The following ADAMTSL3 variants were observed in gnomAD, a reference collection of about 807,000 sequenced individuals.
ADAMTSL3 encodes ADAMTS-like protein 3.
ADAMTSL3 carries 128 observed loss-of-function variants against 201.7 expected under a neutral mutation model. The ratio of observed to expected loss-of-function variants is 0.63; its 90% CI spans 0.55 to 0.73. ADAMTSL3 has a LOEUF of 0.73. ADAMTSL3 is among the 30% of genes least tolerant of loss of function. The pLI, the probability that ADAMTSL3 is intolerant of heterozygous loss-of-function variation, is 0.00. For missense variants in ADAMTSL3, 1,990 were observed against 2,119.6 expected (o/e 0.94, Z 1.20); for synonymous variants, 738 against 748.4 (o/e 0.99, Z 0.23).
In ADAMTSL3 at chr15:83,747,483, TCCA is replaced by T. The variant is rs199587972; in HGVS notation, c.190-26038_190-26036del. Among the ~76,000 whole-genome samples, 552 of 152,194 alleles carry T rather than the reference TCCA, an allele frequency of 3.6e-3. 2 individuals carry two copies. The highest frequency in any genetic ancestry group is 0.013 in the African/African-American group (521 of 41,534). ...CCTCTCAGGTACCCATCCAGATCTG[TCCA>T]CAAGTGTGAGAGAAGGCTTGGACGC... On this transcript the variant is annotated intron_variant, in intron 3 of 29. Transcript: ENST00000286744.
At chr15:83,854,236 T>G (rs537848874) in intron 7 of ADAMTSL3, among the ~76,000 whole-genome samples, 3 of 152,134 alleles carry the variant, frequency 2.0e-5, no homozygotes, top group Non-Finnish European at 4.4e-5. Context: ...TTTTTTTTAG[T>G]GCACTTATTT....
chr15:83,930,533 C>T (rs569960965), intron 17 of ADAMTSL3, among the ~76,000 whole-genome samples: 37 of 152,284 alleles, frequency 2.4e-4, no homozygotes, highest in Admixed American at 1.2e-3. Context: ...TACTGTATCC[C>T]CTTTCTCTCA....
At chr15:83,956,233 T>C (rs1027126666) in intron 19 of ADAMTSL3, among the ~76,000 whole-genome samples, 2 of 152,094 alleles carry the variant, frequency 1.3e-5, no homozygotes, top group African/African-American at 4.8e-5. Context: ...GTTGCTGTGC[T>C]CTCCCTCCCT....
intron 4 of ADAMTSL3, among the ~76,000 whole-genome samples, chr15:83,778,948 A>G (rs1027199298): frequency 2.6e-5 from 4 of 152,224 alleles, no homozygotes; most frequent in Non-Finnish European, 4.4e-5. Flanking sequence ...GGAAAACAGA[A>G]AAAAAGCAGA....
chr15:83,780,406 A>AT (rs775480202), intron 4 of ADAMTSL3, among the ~76,000 whole-genome samples: 23 of 138,260 alleles, frequency 1.7e-4, no homozygotes, highest in Non-Finnish European at 3.3e-4. Context: ...GTGAAACTCC[A>AT]TTAAAAAAAA....
At chr15:83,765,257 TA>T (rs752408318) in intron 3 of ADAMTSL3, among the ~76,000 whole-genome samples, 2 of 152,226 alleles carry the variant, frequency 1.3e-5, no homozygotes, top group Admixed American at 6.5e-5. Context: ...TTTCTTTTGT[TA>T]AAGACCTTAA....
At chr15:83,721,128 A>G (rs1022987769) in intron 3 of ADAMTSL3, among the ~76,000 whole-genome samples, 1 of 152,186 alleles carries the variant, frequency 6.6e-6, no homozygotes, top group African/African-American at 2.4e-5. Flanking sequence ...ATTTTTTGTT[A>G]TATTTTATTT....
At position 83,989,703 on chromosome 15, in the gene ADAMTSL3, C is replaced by T. The variant is rs184682812; in HGVS notation, c.3844+885C>T. ...GTACTGCCATTGTCCAGCTCAGGCA[C>T]AAAGTATGCTTCCTGAGTGAGTGAA... On this transcript the variant is annotated intron_variant, in intron 22 of 29. Transcript: ENST00000286744. Among the ~76,000 whole-genome samples the T allele has an allele frequency of 5.9e-5, 9 of 152,266 alleles. No homozygotes were observed. The East Asian group carries it at 1.7e-3, about 29-fold the overall frequency.
intron 3 of ADAMTSL3, among the ~76,000 whole-genome samples, chr15:83,768,309 T>C (rs1455223296): frequency 6.6e-6 from 1 of 152,206 alleles, no homozygotes; most frequent in Non-Finnish European, 1.5e-5. Flanking sequence ...TTTAAGAAAC[T>C]CAGAGTCAAA....
In ADAMTSL3 at chr15:83,991,190, G is replaced by C. The variant is rs77086705; in HGVS notation, c.3949G>C (p.Val1317Leu). 5.0e-6 allele frequency: 8 copies of C among 1,614,182 alleles called. No individual in the cohort carries two copies. In the South Asian group the frequency reaches 6.6e-5, roughly 13 times the overall value. ...GIVEAALGAN[V>L]TIRCPVKGVP... is the part of the protein sequence containing the mutation. ...CGTGGAGGCAGCCCTTGGAGCAAAC[G>C]TGACAATCCGATGTCCTGTAAAAGG... Residue 1317 changes from valine (V) to leucine (L), a missense_variant, in exon 23 of 30, where the codon GTG (valine) becomes CTG (leucine). By Grantham distance (32) the Val-to-Leu change is conservative. Coordinates refer to ENST00000286744, the MANE Select transcript of ADAMTSL3 (RefSeq NM_207517.3).
Position 84,016,467 on chromosome 15 carries a change from G to A in ADAMTSL3, c.4241G>A (p.Ser1414Asn). ...ILQATNTRTN[S>N]NDPTGEPPPQ... Reference sequence around the variant, plus strand: ...CAGGCAACCAACACTAGAACCAACAGCAATGACCCAACAGGAGAACCCCCG... The same window carrying A: ...CAGGCAACCAACACTAGAACCAACAACAATGACCCAACAGGAGAACCCCCG... Residue 1414 changes from serine (S) to asparagine (N), a missense_variant, in exon 25 of 30, where the codon AGC (serine) becomes AAC (asparagine). Coordinates refer to ENST00000286744, the MANE Select transcript of ADAMTSL3 (RefSeq NM_207517.3). 1.2e-6 allele frequency: 2 copies of A among 1,613,818 alleles called. No homozygotes were observed. The highest frequency in any genetic ancestry group is 1.1e-5 in the South Asian group (1 of 91,044).
intron 7 of ADAMTSL3, among the ~76,000 whole-genome samples, chr15:83,855,870 G>A (rs1285242059): frequency 6.6e-6 from 1 of 151,972 alleles, no homozygotes; most frequent in Non-Finnish European, 1.5e-5. Context: ...AATTAGCCAG[G>A]CATGCTGGCA....
At chr15:83,823,142 A>C (rs1285406292) in intron 6 of ADAMTSL3, among the ~76,000 whole-genome samples, 2 of 141,378 alleles carry the variant, frequency 1.4e-5, no homozygotes, top group Non-Finnish European at 3.1e-5. Flanking sequence ...CCGAGATGGC[A>C]GCAGTACAGT....
At chr15:83,960,637 G>A (rs2066949598) in intron 19 of ADAMTSL3, among the ~76,000 whole-genome samples, 1 of 152,174 alleles carries the variant, frequency 6.6e-6, no homozygotes, top group African/African-American at 2.4e-5. Context: ...AAGGAGGGGG[G>A]AGGGGCAGCA....
chr15:83,953,184 G>A (rs188699922), intron 19 of ADAMTSL3, among the ~76,000 whole-genome samples: 13 of 152,070 alleles, frequency 8.5e-5, no homozygotes, highest in South Asian at 4.2e-4. Flanking sequence ...TTTGTTTTCC[G>A]TTTGTTTTGC....
chr15:83,863,003 A>G (rs1462857505), intron 8 of ADAMTSL3: 1 of 152,192 alleles, frequency 6.6e-6, no homozygotes, highest in African/African-American at 2.4e-5. Flanking sequence ...TAAACCAACA[A>G]AGATCAAAAG....
chr15:83,787,859 C>T (rs373779999), intron 4 of ADAMTSL3, among the ~76,000 whole-genome samples: 22 of 152,116 alleles, frequency 1.4e-4, no homozygotes, highest in African/African-American at 5.3e-4. Flanking sequence ...CCTCTCCCTC[C>T]AGTCTGTCTT....
chr15:83,808,053 A>T (rs756895171), intron 5 of ADAMTSL3, among the ~76,000 whole-genome samples: 21 of 152,212 alleles, frequency 1.4e-4, no homozygotes, highest in Non-Finnish European at 2.6e-4. Context: ...AACAGAGAAA[A>T]TGCTTCATGA....
At position 83,880,671 on chromosome 15, in the gene ADAMTSL3, T is replaced by C. The variant is rs149391069; in HGVS notation, c.961-4430T>C. Among the ~76,000 whole-genome samples, 1,324 of 152,340 alleles carry C rather than the reference T, an allele frequency of 8.7e-3. 20 individuals carry two copies. The highest frequency in any genetic ancestry group is 0.031 in the African/African-American group (1,274 of 41,572). ...GAAATTCCCCATCTTATAATTTGATTTCTTGAACATTTTAATCTTGTTCCA... is the reference window on the plus strand; with the variant it reads ...GAAATTCCCCATCTTATAATTTGATCTCTTGAACATTTTAATCTTGTTCCA... On this transcript the variant is annotated intron_variant, in intron 9 of 29. Coordinates refer to ENST00000286744, the MANE Select transcript of ADAMTSL3 (RefSeq NM_207517.3).
Sources: allele counts gnomAD v4.1 joint callset (sites outside exome capture counted in the v4.1 genomes callset), GRCh38; gene constraint gnomAD v4.1.1; transcripts MANE v1.5; gene names NCBI Gene and HGNC (gene_info 2026-07-23, HGNC 2026-07-21).